HMCN2: variants seen among roughly 807,000 people sequenced by gnomAD.
The protein encoded by HMCN2 is hemicentin 2.
In HMCN2, 325 loss-of-function variants were observed where a neutral mutation model predicts 377.5. The ratio of observed to expected loss-of-function variants is 0.86; its 90% CI spans 0.79 to 0.94. HMCN2 has a LOEUF of 0.94. Among genes scored for constraint, HMCN2 ranks in the 40% least tolerant of loss-of-function variants. HMCN2 has a pLI of 0.00. For synonymous variants in HMCN2, 2,007 were observed against 2,046.8 expected (o/e 0.98, Z 0.53); for missense variants, 4,543 against 4,725.3 (o/e 0.96, Z 1.13).
At chr9:130,278,864 A>T (rs1315051670) in intron 1 of HMCN2, among the ~76,000 whole-genome samples, 3 of 147,214 alleles carry the variant, frequency 2.0e-5, no homozygotes. Flanking sequence ...TACAGGCGTG[A>T]GCCACCTCAC....
chr9:130,392,988 A>T (rs372384922), intron 66 of HMCN2, among the ~76,000 whole-genome samples: 179 of 149,912 alleles, frequency 1.2e-3, no homozygotes, highest in African/African-American at 1.7e-3. Context: ...AGAGTGAGAC[A>T]CCATCTCACC....
chr9:130,407,683 G>A lies in HMCN2; in HGVS notation c.12666G>A (p.Ala4222=), dbSNP rs368755021. ...AGAACAGAGTGGGCCGCACGCAGGC[G>A]GTCAGCTTCGTCCACGTGAAGGGTA... is the stretch of plus-strand genomic sequence containing the variant. ...WAENRVGRTQ[A]VSFVHVKEAP... The change falls in exon 83 of 98, where the codon GCG becomes GCA. Residue 4222 remains alanine, a synonymous_variant. Transcript: ENST00000683500. 43 of 1,254,472 alleles carry A rather than the reference G, an allele frequency of 3.4e-5. No individual in the cohort carries two copies. The highest frequency in any genetic ancestry group is 3.0e-4 in the East Asian group (5 of 16,526). The allele number at this position is 1,254,472 out of a possible 1,614,324, so 77.7% of individuals were successfully genotyped here.
Position 130,429,665 on chromosome 9 carries a change from G to A in HMCN2, c.14306G>A (p.Gly4769Asp), listed in dbSNP as rs1189548073. The stretch of plus-strand genomic sequence containing the variant: ...TGCCCCAGGGGTTACCGGATGCAGG[G>A]CCCCAGCCTGCCCTGCCTAGGTACG... ...CSCPRGYRMQ[G>D]PSLPCLDVNE... Residue 4769 changes from glycine to aspartate, a missense_variant, in exon 94 of 98, where the codon GGC (glycine) becomes GAC (aspartate). Around this residue, in one of 5 missense-constraint regions of HMCN2, gnomAD observed 1,155 missense variants for 1,157.7 expected, o/e 1.00. Transcript: ENST00000683500. 2.0e-6 allele frequency: 3 copies of A among 1,537,644 alleles called. No homozygotes were observed. The highest frequency in any genetic ancestry group is 1.8e-6 in the Non-Finnish European group (2 of 1,139,472).
At chr9:130,386,296 C>T (rs545514159) in intron 60 of HMCN2, 147 bp from the exon 61 acceptor site, 30 of 351,262 alleles carry the variant, frequency 8.5e-5, no homozygotes, top group Non-Finnish European at 1.5e-4. Flanking sequence ...GCCAGAGCGT[C>T]CTGATTCCCT....
intron 85 of HMCN2, among the ~76,000 whole-genome samples, chr9:130,417,819 G>T (rs1356305436): frequency 6.6e-6 from 1 of 152,234 alleles, no homozygotes; most frequent in Non-Finnish European, 1.5e-5. Context: ...TCTGCAGGAA[G>T]CGAACACACA....
chr9:130,397,651 C>T lies in HMCN2; in HGVS notation c.11322C>T (p.Val3774=). The part of the protein sequence containing the change: ...GSDRQGRDLR[V]LEPPAIAPSP... ...ATCGTCAAGGCCGTGACCTACGGGTCTTGGGTAGGTGGCCTGGGGAAGGCC... is the reference window on the plus strand; with the variant it reads ...ATCGTCAAGGCCGTGACCTACGGGTTTTGGGTAGGTGGCCTGGGGAAGGCC... Residue 3774 remains valine (V), a synonymous_variant, in exon 74 of 98, where the codon GTC becomes GTT. Transcript: ENST00000683500. The T allele has an allele frequency of 7.8e-7, 1 of 1,289,792 alleles. No individual in the cohort carries two copies. The highest frequency in any genetic ancestry group is 1.5e-5 in the African/African-American group (1 of 65,990). The allele number at this position is 1,289,792 out of a possible 1,614,324, so 79.9% of individuals were successfully genotyped here.
At position 130,433,457 on chromosome 9, in the gene HMCN2, C is replaced by T. The variant is rs1260902294; in HGVS notation, c.15004C>T (p.Arg5002Cys). 6.7e-7 allele frequency: 1 copy of T among 1,499,450 alleles called. No individual in the cohort carries two copies. Among genetic ancestry groups the T allele is most frequent in the Admixed American group, 2.2e-5 (1 of 46,498 alleles). 92.9% of individuals were successfully genotyped at this position (1,499,450 alleles called of 1,614,324 possible). A position where few individuals can be genotyped will look rare whatever the true frequency, so the allele number is the denominator to read the frequency against. Residue 5002 changes from arginine (R) to cysteine (C), a missense_variant, in exon 98 of 98, where the codon CGC becomes TGC. By Grantham distance (180) the Arg-to-Cys change is radical (BLOSUM62 -3). Transcript: ENST00000683500. Reference protein sequence around the residue: ...LGVRAHHDVARLTAFSEVGVP... With the variant: ...LGVRAHHDVACLTAFSEVGVP... The stretch of plus-strand genomic sequence containing the variant: ...CGTGCGCGCCCACCACGACGTGGCC[C>T]GCCTCACCGCCTTCTCCGAGGTCGG...
At chr9:130,307,084 G>A (rs1218367939) in intron 13 of HMCN2, 146 bp downstream of exon 13, 2 of 353,412 alleles carry the variant, frequency 5.7e-6, no homozygotes, top group Non-Finnish European at 1.1e-5. Flanking sequence ...TCTGGGTGGA[G>A]CTTATATTCT....
chr9:130,272,219 C>CT (rs201907754), intron 1 of HMCN2, among the ~76,000 whole-genome samples: 1,587 of 148,870 alleles, frequency 0.011, 170 homozygotes, highest in Non-Finnish European at 0.016. Flanking sequence ...GCTTCTTCTT[C>CT]TTTTTTAAAA....
Position 130,352,960 on chromosome 9 carries a change from G to T in HMCN2, c.4619G>T (p.Gly1540Val). ...ACTATCTGGGGCTCCAACGAGACAG[G>T]CGAGGTGGCCGTCATGGAGGACCAC... Reference protein sequence around the residue: ...PPTIWGSNETGEVAVMEDHLV... With the variant: ...PPTIWGSNETVEVAVMEDHLV... Residue 1540 changes from glycine to valine, a missense_variant, in exon 31 of 98, where the codon GGC becomes GTC. This residue lies in a region of HMCN2 where 1,032 missense variants were observed against 1,285.1 expected (regional missense o/e 0.80). Transcript: ENST00000683500. 1 of 1,300,850 alleles carries T rather than the reference G, an allele frequency of 7.7e-7. No homozygotes were observed. Among genetic ancestry groups the T allele is most frequent in the Non-Finnish European group, 1.0e-6 (1 of 986,988 alleles). The allele number at this position is 1,300,850 out of a possible 1,614,324, so 80.6% of individuals were successfully genotyped here.
At chr9:130,353,903 GC>G (rs1342307200) in intron 31 of HMCN2, among the ~76,000 whole-genome samples, 1 of 152,102 alleles carries the variant, frequency 6.6e-6, no homozygotes, top group Non-Finnish European at 1.5e-5. Flanking sequence ...GGTCAGCCTG[GC>G]CCCCCGTGGG....
At chr9:130,274,017 A>T (rs1554922115) in intron 1 of HMCN2, among the ~76,000 whole-genome samples, 5 of 151,612 alleles carry the variant, frequency 3.3e-5, no homozygotes. Flanking sequence ...TGTTTATAAG[A>T]TCCTTCTCCT....
intron 18 of HMCN2, among the ~76,000 whole-genome samples, chr9:130,321,438 T>G (rs1327015638): frequency 3.3e-5 from 5 of 152,142 alleles, no homozygotes; most frequent in Non-Finnish European, 7.3e-5. Context: ...ACACACCAGG[T>G]CCCTGTGTCC....
At chr9:130,281,912 C>T (rs1554925871) in intron 1 of HMCN2, among the ~76,000 whole-genome samples, 1 of 144,378 alleles carries the variant, frequency 6.9e-6, no homozygotes, top group Non-Finnish European at 1.5e-5. Flanking sequence ...AAAAAAAAGA[C>T]TTGGACCTAC....
At position 130,335,472 on chromosome 9, in the gene HMCN2, A is replaced by G. The variant is rs898963691; in HGVS notation, c.3360-2422A>G. ...CTTCTCGCGTATTCCTTTGCACTAT[A>G]AAGACTGAGCAAACTGTTCAGGGCT... On this transcript the variant is annotated intron_variant, in intron 22 of 97. Transcript: ENST00000683500. Among the ~76,000 whole-genome samples the G allele has an allele frequency of 8.9e-3, 1,358 of 152,250 alleles. 23 individuals are homozygous for G. The highest frequency in any genetic ancestry group is 0.03 in the African/African-American group (1,255 of 41,538).
chr9:130,307,743 C>T (rs1201196000), intron 14 of HMCN2, among the ~76,000 whole-genome samples, 177 bp downstream of exon 14: 2 of 152,092 alleles, frequency 1.3e-5, no homozygotes, highest in East Asian at 1.9e-4. Flanking sequence ...CCCTCACCCC[C>T]AGCCTGTGTT....
rs1271684490 is a variant in HMCN2 at position 130,385,622 on chromosome 9, G to C, written c.9169G>C (p.Asp3057His). 1 of 1,304,206 alleles carries C rather than the reference G, an allele frequency of 7.7e-7. No individual in the cohort carries two copies. The highest frequency in any genetic ancestry group is 2.3e-5 in the Admixed American group (1 of 43,572). 80.8% of individuals were successfully genotyped at this position (1,304,206 alleles called of 1,614,324 possible). A position where few individuals can be genotyped will look rare whatever the true frequency, so the allele number is the denominator to read the frequency against. Residue 3057 changes from aspartate to histidine, a missense_variant, in exon 60 of 98, where the codon GAC becomes CAC. Physicochemically the swap from Asp to His is moderately conservative, Grantham distance 81 (BLOSUM62 -1). Around this residue, in one of 5 missense-constraint regions of HMCN2, gnomAD observed 736 missense variants for 773.2 expected, o/e 0.95. Transcript: ENST00000683500. Reference protein sequence around the residue: ...PQDAVLVRVGDKAVLSCETDA... With the variant: ...PQDAVLVRVGHKAVLSCETDA... ...GGATGCGGTCCTGGTGAGGGTCGGG[G>C]ACAAAGCTGTCCTGAGCTGCGAGAC...
At chr9:130,413,729 G>A (rs180749878) in intron 85 of HMCN2, among the ~76,000 whole-genome samples, 2 of 152,082 alleles carry the variant, frequency 1.3e-5, no homozygotes, top group Non-Finnish European at 2.9e-5. Context: ...TCAGACACAC[G>A]CATGTGCACG....
At chr9:130,403,917 G>A (rs1268661716) in intron 80 of HMCN2, 42 bp downstream of exon 80, 7 of 1,269,872 alleles carry the variant, frequency 5.5e-6, no homozygotes, top group East Asian at 1.1e-4. Context: ...TGGCAACTGA[G>A]GGGCTTTGAG....
Sources: allele counts gnomAD v4.1 joint callset (sites outside exome capture counted in the v4.1 genomes callset), GRCh38; gene constraint gnomAD v4.1.1; regional missense constraint gnomAD v4.1.1; transcripts MANE v1.5; gene names NCBI Gene and HGNC (gene_info 2026-07-23, HGNC 2026-07-21).